DMD: variants seen among roughly 807,000 people sequenced by gnomAD.
DMD encodes mutant dystrophin.
A neutral mutation model predicts 330.1 loss-of-function variants in DMD; 63 were observed. The ratio of observed to expected loss-of-function variants is 0.19; its 90% CI spans 0.16 to 0.24. DMD has a LOEUF of 0.24. Among genes scored for constraint, DMD ranks in the 10% least tolerant of loss-of-function variants. The pLI is 1.00. For missense variants in DMD, 3,344 were observed against 2,684.1 expected (o/e 1.25, Z -5.43); for synonymous variants, 1,223 against 959.8 (o/e 1.27, Z -5.07).
chrX:32,109,302 T>C (rs1461540752), intron 44 of DMD, among the ~76,000 whole-genome samples: 1 of 110,957 alleles, frequency 9.0e-6, no homozygotes, highest in Non-Finnish European at 1.9e-5. Flanking sequence ...TATGTATTTC[T>C]CTTTATCTAA....
chrX:32,483,616 G>T (rs1278317376), intron 21 of DMD, among the ~76,000 whole-genome samples: 2 of 108,962 alleles, frequency 1.8e-5, no homozygotes, highest in Admixed American at 2.0e-4. Flanking sequence ...GGGGAGTTAT[G>T]TATGTAATGA....
chrX:32,041,033 C>T (rs1318261177), intron 44 of DMD, among the ~76,000 whole-genome samples: 1 of 111,167 alleles, frequency 9.0e-6, no homozygotes, highest in African/African-American at 3.3e-5. Context: ...AGGAACAATC[C>T]TAAATGGAAA....
chrX:32,315,724 C>T (rs1354197160), intron 41 of DMD, among the ~76,000 whole-genome samples: 1 of 110,983 alleles, frequency 9.0e-6, no homozygotes, highest in Non-Finnish European at 1.9e-5. Context: ...CCACCTGACC[C>T]CATGTGTCTA....
chrX:31,170,934 T>C (rs2039927419), intron 73 of DMD, among the ~76,000 whole-genome samples: 1 of 112,225 alleles, frequency 8.9e-6, no homozygotes, highest in Non-Finnish European at 1.9e-5. Context: ...AACCTAGAGT[T>C]GTAACTACAC....
intron 21 of DMD, among the ~76,000 whole-genome samples, chrX:32,475,444 C>A (rs2041131833): frequency 9.0e-6 from 1 of 111,167 alleles, no homozygotes; most frequent in Non-Finnish European, 1.9e-5. Context: ...TTGCCTTTGG[C>A]AGTATGGTCA....
intron 60 of DMD, among the ~76,000 whole-genome samples, chrX:31,361,192 T>A (rs1376440777): frequency 1.8e-5 from 2 of 111,491 alleles, no homozygotes; most frequent in Admixed American, 1.9e-4. Context: ...ATATCTAGCT[T>A]CCCTTTTTTA....
At chrX:33,305,359 C>T (rs1425284691) in intron 1 of DMD, among the ~76,000 whole-genome samples, 4 of 95,370 alleles carry the variant, frequency 4.2e-5, no homozygotes, top group African/African-American at 1.6e-4. Flanking sequence ...TAGGTGGGAA[C>T]TGAACAATGA....
intron 1 of DMD, among the ~76,000 whole-genome samples, chrX:33,080,535 CTT>C (rs2094911911): frequency 8.9e-6 from 1 of 111,763 alleles, no homozygotes; most frequent in Non-Finnish European, 1.9e-5. Context: ...CTCTTAGCAA[CTT>C]TGATTTTTAG....
intron 2 of DMD, among the ~76,000 whole-genome samples, chrX:32,902,236 T>A (rs927336706): frequency 3.8e-5 from 4 of 104,176 alleles, no homozygotes; most frequent in African/African-American, 7.2e-5. Flanking sequence ...TCAGAAAAAA[T>A]TTTCAGGTAA....
At chrX:33,237,183 TCCTCCCTCCTTC>T (rs1208697140) in intron 1 of DMD, among the ~76,000 whole-genome samples, 1 of 76,186 alleles carries the variant, frequency 1.3e-5, no homozygotes, top group Non-Finnish European at 2.5e-5. Context: ...TCCCTCCCCT[TCCTCCCTCCTTC>T]CCTCCCTTCC....
chrX:33,055,541 T>A (rs1172192699), intron 1 of DMD, among the ~76,000 whole-genome samples: 2 of 111,601 alleles, frequency 1.8e-5, no homozygotes, highest in Non-Finnish European at 3.8e-5. Flanking sequence ...AGAAAAAAAA[T>A]TAAAGGGTTT....
chrX:32,699,455 A>G (rs2063917932), intron 7 of DMD, among the ~76,000 whole-genome samples, 162 bp from the exon 8 acceptor site: 1 of 112,024 alleles, frequency 8.9e-6, no homozygotes. Context: ...AATGAGGCCT[A>G]AAATGTCTTT....
intron 30 of DMD, among the ~76,000 whole-genome samples, chrX:32,402,968 T>C (rs1462021041): frequency 8.9e-6 from 1 of 111,804 alleles, no homozygotes; most frequent in Non-Finnish European, 1.9e-5. Context: ...CACATTTGTC[T>C]GACACATACT....
intron 9 of DMD, among the ~76,000 whole-genome samples, chrX:32,671,655 C>T (rs1044889201): frequency 2.7e-5 from 3 of 111,861 alleles, no homozygotes; most frequent in Admixed American, 1.9e-4. Context: ...ATCAGGTTGA[C>T]CTGGGAGGCT....
chrX:33,009,506 G>A (rs766079411), intron 2 of DMD, among the ~76,000 whole-genome samples: 2 of 91,855 alleles, frequency 2.2e-5, no homozygotes, highest in Non-Finnish European at 4.4e-5. Context: ...ATGTATATGT[G>A]TATATACACA....
At position 32,381,272 on chromosome X, in the gene DMD, G is replaced by A. The variant is rs764199544; in HGVS notation, c.4675-592C>T. ...TAAACATAATTTTGCCATCCAATAG[G>A]GACAAAAAGATGAATGTGAAGACAA... is the stretch of plus-strand genomic sequence containing the variant. On this transcript the variant is annotated intron_variant, in intron 33 of 78. Coordinates refer to ENST00000357033, the MANE Select transcript of DMD (RefSeq NM_004006.3). Among the ~76,000 whole-genome samples, 9 of 110,811 alleles carry A rather than the reference G, an allele frequency of 8.1e-5. No homozygotes were observed. The East Asian group carries it at 2.6e-3, about 31-fold the overall frequency.
intron 44 of DMD, among the ~76,000 whole-genome samples, chrX:32,091,589 G>A (rs1243646172): frequency 9.1e-6 from 1 of 110,415 alleles, no homozygotes; most frequent in Non-Finnish European, 1.9e-5. Flanking sequence ...GATTTTCCAG[G>A]TTTAAAACAT....
chrX:31,770,094 C>A (rs1803090050), intron 51 of DMD, among the ~76,000 whole-genome samples: 1 of 112,289 alleles, frequency 8.9e-6, no homozygotes, highest in Admixed American at 9.4e-5. Context: ...GCCACATGCC[C>A]AGAAAGGCAT....
At chrX:31,164,902 G>A (rs1165911130) in intron 74 of DMD, among the ~76,000 whole-genome samples, 1 of 110,905 alleles carries the variant, frequency 9.0e-6, no homozygotes, top group African/African-American at 3.3e-5. Flanking sequence ...CTTAAAAAAG[G>A]TAATACAACT....
Sources: allele counts gnomAD v4.1 joint callset (sites outside exome capture counted in the v4.1 genomes callset), GRCh38; gene constraint gnomAD v4.1.1; transcripts MANE v1.5; gene names NCBI Gene and HGNC (gene_info 2026-07-23, HGNC 2026-07-21).